WNT7A: variants seen among roughly 807,000 people sequenced by gnomAD.
WNT7A encodes the protein Wnt family member 7A, also known as protein Wnt-7a.
WNT7A carries 16 observed loss-of-function variants against 28.2 expected under a neutral mutation model. That is an observed-to-expected ratio of 0.57 (90% confidence interval 0.38 to 0.86). The LOEUF is 0.86. WNT7A is among the 40% of genes least tolerant of loss of function. The pLI, the probability that WNT7A is intolerant of heterozygous loss-of-function variation, is 0.00. For missense variants in WNT7A, 411 were observed against 489.7 expected, an observed-to-expected ratio of 0.84 and a Z score of 1.52; for synonymous variants, 190 against 195.9, an observed-to-expected ratio of 0.97 and a Z score of 0.25.
At chr3:13,836,162 G>A (rs1470556929) in intron 3 of WNT7A, among the ~76,000 whole-genome samples, 2 of 146,782 alleles carry the variant, frequency 1.4e-5, no homozygotes, top group South Asian at 2.3e-4. Context: ...AGGATGGATT[G>A]TATGGCATGA....
intron 2 of WNT7A, among the ~76,000 whole-genome samples, chr3:13,867,174 C>CA (rs982378992): frequency 1.3e-5 from 2 of 152,222 alleles, no homozygotes; most frequent in Admixed American, 1.3e-4. Flanking sequence ...TACCACCTAG[C>CA]AAGGTGGGTG....
At chr3:13,820,689 A>G (rs886890486) in intron 3 of WNT7A, among the ~76,000 whole-genome samples, 1 of 152,116 alleles carries the variant, frequency 6.6e-6, no homozygotes, top group African/African-American at 2.4e-5. Flanking sequence ...GGGGATACTG[A>G]GGTGACAAGA....
chr3:13,842,598 A>T (rs1037896206), intron 3 of WNT7A, among the ~76,000 whole-genome samples: 2 of 152,178 alleles, frequency 1.3e-5, no homozygotes, highest in African/African-American at 2.4e-5. Flanking sequence ...TGTAGGTAGA[A>T]CTGACATGTT....
chr3:13,842,636 T>C (rs766717340), intron 3 of WNT7A, among the ~76,000 whole-genome samples: 16 of 152,142 alleles, frequency 1.1e-4, no homozygotes, highest in African/African-American at 3.9e-4. Flanking sequence ...GAAAGAAAAG[T>C]GTCATGGCCA....
At chr3:13,870,935 G>A (rs1180041917) in intron 2 of WNT7A, among the ~76,000 whole-genome samples, 1 of 152,204 alleles carries the variant, frequency 6.6e-6, no homozygotes, top group Non-Finnish European at 1.5e-5. Context: ...CATGCAAGGG[G>A]ACCTTGCCTG....
intron 3 of WNT7A, among the ~76,000 whole-genome samples, chr3:13,838,377 C>T (rs1694402927): frequency 6.6e-6 from 1 of 152,194 alleles, no homozygotes; most frequent in Non-Finnish European, 1.5e-5. Flanking sequence ...CCTCTGAAAC[C>T]ACGGTGTGCG....
At chr3:13,835,212 T>G (rs957806885) in intron 3 of WNT7A, among the ~76,000 whole-genome samples, 4 of 151,898 alleles carry the variant, frequency 2.6e-5, no homozygotes, top group African/African-American at 9.7e-5. Context: ...CTCGCTGGGG[T>G]CAGAGGAGCA....
rs142391422 is a variant in WNT7A at position 13,861,971 on chromosome 3, C to T, written c.299-7168G>A. On this transcript the variant is annotated intron_variant, in intron 2 of 3. Transcript: ENST00000285018. ...TCCAGAAGCCAAGAGACCTTCCCTC[C>T]TGTGATATCCCAGGTGACTTCAGCT... 2.9e-3 allele frequency among the ~76,000 whole-genome samples: 447 copies of T among 152,348 alleles called. 2 individuals carry two copies. The highest frequency in any genetic ancestry group is 9.9e-3 in the African/African-American group (412 of 41,590).
At chr3:13,836,313 G>T (rs1378809950) in intron 3 of WNT7A, among the ~76,000 whole-genome samples, 1 of 152,124 alleles carries the variant, frequency 6.6e-6, no homozygotes, top group South Asian at 2.1e-4. Context: ...CCTCGTGTGG[G>T]CATGCAGGGC....
chr3:13,856,987 G>GAGAAGGAGAAGAAGA (rs1694755894), intron 2 of WNT7A, among the ~76,000 whole-genome samples: 1 of 71,598 alleles, frequency 1.4e-5, no homozygotes, highest in East Asian at 1.0e-3. Context: ...GAAGAAGAAG[G>GAGAAGGAGAAGAAGA]AGAAGAAGAA....
rs1559292398 is a variant in WNT7A, at chr3:13,817,435, CACACACACACACACACACACACA to C, written c.*1486_*1508del. Reference sequence around the variant, plus strand: ...TAAGAAGATACAGTACACACACACACACACACACACACACACACACACACACACACACACACCGGAAATGCAAA... The same window carrying C: ...TAAGAAGATACAGTACACACACACACCACACACACACACCGGAAATGCAAA... On this transcript the variant is annotated 3_prime_UTR_variant, in exon 4 of 4. Transcript: ENST00000285018. 2.6e-5 allele frequency: 2 copies of C among 75,914 alleles called. No homozygotes were observed. The highest frequency in any genetic ancestry group is 2.4e-4 in the African/African-American group (2 of 8,440). 4.7% of individuals were successfully genotyped at this position (75,914 alleles called of 1,614,324 possible).
intron 2 of WNT7A, among the ~76,000 whole-genome samples, chr3:13,861,507 A>G (rs1232171332): frequency 6.6e-6 from 1 of 152,246 alleles, no homozygotes; most frequent in African/African-American, 2.4e-5. Context: ...ACTCCGTGGC[A>G]GCTGAGGACT....
chr3:13,858,786 T>C (rs1219802790), intron 2 of WNT7A, among the ~76,000 whole-genome samples: 1 of 152,148 alleles, frequency 6.6e-6, no homozygotes, highest in Non-Finnish European at 1.5e-5. Context: ...CCAGTCCTTC[T>C]GGATGTGGAA....
intron 2 of WNT7A, among the ~76,000 whole-genome samples, chr3:13,869,215 AAAG>A (rs386658677): frequency 1.5e-3 from 2 of 1,330 alleles, no homozygotes; most frequent in African/African-American, 4.7e-3. Context: ...AGAAAGAGAG[AAAG>A]AAAAGAGAGA....
chr3:13,856,918 A>G (rs867966823), intron 2 of WNT7A, among the ~76,000 whole-genome samples: 2 of 100,042 alleles, frequency 2.0e-5, no homozygotes, highest in African/African-American at 9.8e-5. Context: ...GAAGAAGAAG[A>G]AGAAGAAGAA....
At chr3:13,836,199 TTAAAA>T (rs1694364885) in intron 3 of WNT7A, among the ~76,000 whole-genome samples, 1 of 139,256 alleles carries the variant, frequency 7.2e-6, no homozygotes, top group African/African-American at 2.7e-5. Flanking sequence ...AAGCTGGTTT[TTAAAA>T]AAAAAAAAAA....
chr3:13,832,176 A>C (rs1343410108), intron 3 of WNT7A, among the ~76,000 whole-genome samples: 22 of 89,494 alleles, frequency 2.5e-4, no homozygotes, highest in Middle Eastern at 0.01. Context: ...CCTCCTCAAG[A>C]TCCTCCTGCT....
chr3:13,866,986 A>T (rs532710915), intron 2 of WNT7A, among the ~76,000 whole-genome samples: 26 of 152,112 alleles, frequency 1.7e-4, no homozygotes, highest in Non-Finnish European at 2.8e-4. Context: ...TTGGAGGTAG[A>T]GTCAAAATGG....
rs1280619331 is a variant in WNT7A at position 13,856,892 on chromosome 3, A to AG, written c.299-2090_299-2089insC. 8.7e-3 allele frequency among the ~76,000 whole-genome samples: 561 copies of AG among 64,708 alleles called. 3 individuals carry two copies. The highest frequency in any genetic ancestry group is 0.021 in the Middle Eastern group (3 of 146). The allele number at this position is 64,708 out of a possible 152,430, so 42.5% of individuals were successfully genotyped here. On this transcript the variant is annotated intron_variant, in intron 2 of 3. Transcript: ENST00000285018. ...AAGAGGAAGAAGAGGAAGAAGAAGA[A>AG]AAAGAAGAAGAAGAAGAAGAAGAAG...
Sources: allele counts gnomAD v4.1 joint callset (sites outside exome capture counted in the v4.1 genomes callset), GRCh38; gene constraint gnomAD v4.1.1; transcripts MANE v1.5; gene names NCBI Gene and HGNC (gene_info 2026-07-23, HGNC 2026-07-21).